The following NLN variants were observed in gnomAD, a reference collection of about 807,000 sequenced individuals.
The protein encoded by NLN is neurolysin, also known as neurolysin, mitochondrial.
NLN carries 64 observed loss-of-function variants against 79.9 expected under a neutral mutation model. The ratio of observed to expected loss-of-function variants is 0.80; its 90% CI spans 0.65 to 0.99. The LOEUF (loss-of-function observed/expected upper bound fraction) is 0.99, where lower values mean the gene tolerates loss of function less well. Ranked by LOEUF, NLN falls within the 50% of genes least tolerant of loss-of-function variation. The probability of loss-of-function intolerance (pLI) is 0.00; values close to 1 mark genes in which losing one functional copy is unlikely to be tolerated. For missense variants in NLN, 835 were observed against 858.7 expected (o/e 0.97, Z 0.34); for synonymous variants, 267 against 296.6 (o/e 0.90, Z 1.02).
chr5:65,808,046 G>C (rs1229437305), intron 9 of NLN, among the ~76,000 whole-genome samples: 1 of 151,994 alleles, frequency 6.6e-6, no homozygotes, highest in Non-Finnish European at 1.5e-5. Context: ...CAATTTCTGG[G>C]GACCCTTACC....
chr5:65,823,030 T>G lies in NLN; in HGVS notation c.*115T>G. ...GTGAAAATTTAGATTTCTATTGACA[T>G]CCTTTTGTTTTCTAATTTTAAAAAT... On this transcript the variant is annotated 3_prime_UTR_variant, in exon 13 of 13. Transcript: ENST00000380985. 2.7e-6 allele frequency: 2 copies of G among 752,914 alleles called. No homozygotes were observed. The highest frequency in any genetic ancestry group is 4.0e-5 in the South Asian group (2 of 50,454). The allele number at this position is 752,914 out of a possible 1,614,324, so 46.6% of individuals were successfully genotyped here. A position where few individuals can be genotyped will look rare whatever the true frequency, so the allele number is the denominator to read the frequency against.
At chr5:65,755,879 G>C (rs201364811) in intron 1 of NLN, among the ~76,000 whole-genome samples, 1 of 152,054 alleles carries the variant, frequency 6.6e-6, no homozygotes, top group Non-Finnish European at 1.5e-5. Context: ...GCTACACTGC[G>C]TTAGCTCTCC....
Position 65,812,760 on chromosome 5 carries a change from A to T in NLN, c.1980+369A>T, listed in dbSNP as rs1213313881. ...AAAGGTAAACTCCTTCCTGATGTAAATGGTTTCCCTGTGTTTTGATATTCT... is the reference window on the plus strand; with the variant it reads ...AAAGGTAAACTCCTTCCTGATGTAATTGGTTTCCCTGTGTTTTGATATTCT... On this transcript the variant is annotated intron_variant, in intron 12 of 12. Transcript: ENST00000380985. 2.6e-5 allele frequency among the ~76,000 whole-genome samples: 4 copies of T among 152,294 alleles called. No homozygotes were observed. In the South Asian group the frequency reaches 8.3e-4, roughly 32 times the overall value.
intron 6 of NLN, among the ~76,000 whole-genome samples, chr5:65,784,295 G>C (rs1759867892): frequency 6.6e-6 from 1 of 151,662 alleles, no homozygotes; most frequent in Admixed American, 6.6e-5. Context: ...ATCAATTTTT[G>C]TATTTTTAAT....
rs73099401 is a variant in NLN at position 65,778,656 on chromosome 5, G to A, written c.558+1122G>A. ...TATTTGCTTGTATAACTAGAAGGTC[G>A]AGGGGTCGGTGAGCTGCATGGGTTG... On this transcript the variant is annotated intron_variant, in intron 4 of 12. Transcript: ENST00000380985. Among the ~76,000 whole-genome samples, 365 of 152,290 alleles carry A rather than the reference G, an allele frequency of 2.4e-3. 2 individuals carry two copies. The highest frequency in any genetic ancestry group is 8.5e-3 in the African/African-American group (354 of 41,562).
At chr5:65,733,527 A>G (rs10078250) in intron 1 of NLN, 27,479 of 1,450,564 alleles carry the variant, frequency 0.019, 4,218 homozygotes, top group South Asian at 0.05. Flanking sequence ...CCTTGCCCCA[A>G]TTCGGGCTGA....
intron 1 of NLN, among the ~76,000 whole-genome samples, chr5:65,747,427 T>C (rs909401297): frequency 2.0e-5 from 3 of 152,056 alleles, no homozygotes; most frequent in Non-Finnish European, 2.9e-5. Flanking sequence ...ATAGAGAAGG[T>C]AGCTGGTTAA....
intron 8 of NLN, among the ~76,000 whole-genome samples, chr5:65,790,424 G>C (rs1407583792): frequency 2.6e-5 from 4 of 152,192 alleles, no homozygotes; most frequent in Admixed American, 1.3e-4. Context: ...AGTTCTGCAG[G>C]GCTGGGGAGA....
chr5:65,756,982 G>T (rs1190168722), intron 1 of NLN, among the ~76,000 whole-genome samples: 1 of 152,134 alleles, frequency 6.6e-6, no homozygotes, highest in African/African-American at 2.4e-5. Flanking sequence ...CCTGCCCCAA[G>T]ACCAGAATGG....
intron 7 of NLN, among the ~76,000 whole-genome samples, chr5:65,787,342 A>G (rs901872771): frequency 1.1e-4 from 17 of 152,030 alleles, no homozygotes; most frequent in African/African-American, 4.1e-4. Flanking sequence ...ATGGAAAACT[A>G]TATCTTTGTA....
chr5:65,723,814 CAAAAAA>C (rs760572199), intron 1 of NLN, among the ~76,000 whole-genome samples: 4 of 55,316 alleles, frequency 7.2e-5, no homozygotes, highest in African/African-American at 1.9e-4. Flanking sequence ...GACTCCGTCT[CAAAAAA>C]AAAAAAAAAA....
chr5:65,780,299 T>C lies in NLN; in HGVS notation c.661+18T>C, dbSNP rs1391429079. ...TGAACTTGGTAAGTTTTATTATTTTTCTAGATTAAATCATATAATTTAGGC... is the reference window on the plus strand; with the variant it reads ...TGAACTTGGTAAGTTTTATTATTTTCCTAGATTAAATCATATAATTTAGGC... On this transcript the variant is annotated intron_variant, in intron 5 of 12. Transcript: ENST00000380985. The C allele has an allele frequency of 1.9e-6, 2 of 1,026,692 alleles. No homozygotes were observed. The highest frequency in any genetic ancestry group is 1.5e-5 in the South Asian group (1 of 68,690). 63.6% of individuals were successfully genotyped at this position (1,026,692 alleles called of 1,614,324 possible).
rs755711700 is a variant in NLN, at chr5:65,757,186, T to A, written c.42-1381T>A. 2.6e-5 allele frequency among the ~76,000 whole-genome samples: 4 copies of A among 152,364 alleles called. No homozygotes were observed. The South Asian group carries it at 8.3e-4, about 32-fold the overall frequency. ...TGCTCATAAATATTAGCTGGGTGAA[T>A]GACTTTAAACAAGTCACTTAGTCTT... is the stretch of plus-strand genomic sequence containing the variant. On this transcript the variant is annotated intron_variant, in intron 1 of 12. Transcript: ENST00000380985.
intron 1 of NLN, among the ~76,000 whole-genome samples, chr5:65,752,026 G>A (rs1003979471): frequency 7.2e-5 from 11 of 152,240 alleles, no homozygotes; most frequent in Middle Eastern, 3.4e-3. Context: ...GATCACTTGA[G>A]CTTAGGAGTT....
chr5:65,785,530 A>G (rs1014780128), intron 6 of NLN, among the ~76,000 whole-genome samples: 1 of 151,818 alleles, frequency 6.6e-6, no homozygotes, highest in Non-Finnish European at 1.5e-5. Flanking sequence ...AGCACCTACA[A>G]TTTTATTAAG....
At chr5:65,799,903 G>A (rs1760246915) in intron 9 of NLN, among the ~76,000 whole-genome samples, 1 of 149,956 alleles carries the variant, frequency 6.7e-6, no homozygotes, top group Non-Finnish European at 1.5e-5. Context: ...AAGTCTAGTA[G>A]ATAGTGGTCA....
At chr5:65,724,104 C>CT (rs988858950) in intron 1 of NLN, among the ~76,000 whole-genome samples, 14 of 132,394 alleles carry the variant, frequency 1.1e-4, no homozygotes, top group African/African-American at 3.0e-4. Flanking sequence ...GGTTTTTTCC[C>CT]TTTTTTTTAA....
intron 1 of NLN, among the ~76,000 whole-genome samples, chr5:65,734,836 A>C (rs1398783570): frequency 2.6e-5 from 4 of 152,224 alleles, no homozygotes; most frequent in African/African-American, 9.6e-5. Context: ...TGAGATTTAT[A>C]CATCTATACA....
At chr5:65,802,595 C>T (rs1760310740) in intron 9 of NLN, among the ~76,000 whole-genome samples, 1 of 152,186 alleles carries the variant, frequency 6.6e-6, no homozygotes, top group Admixed American at 6.5e-5. Flanking sequence ...GCCCTTTAGG[C>T]CCCACCATTC....
Sources: gnomAD v4.1 joint callset for allele counts (sites outside exome capture counted in the v4.1 genomes callset) on GRCh38, gnomAD v4.1.1 for gene constraint, MANE v1.5 for transcripts, NCBI Gene and HGNC (gene_info 2026-07-23, HGNC 2026-07-21) for gene names.